PPARGC1A: variants seen among roughly 807,000 people sequenced by gnomAD.
PPARGC1A encodes the protein peroxisome proliferator-activated receptor gamma coactivator 1-alpha.
PPARGC1A carries 25 observed loss-of-function variants against 88.7 expected under a neutral mutation model. The ratio of observed to expected loss-of-function variants is 0.28; its 90% CI spans 0.21 to 0.39. The LOEUF (loss-of-function observed/expected upper bound fraction) is 0.39. PPARGC1A is among the 10% of genes least tolerant of loss of function. PPARGC1A has a pLI of 1.00. For missense variants in PPARGC1A, 880 were observed against 968.7 expected (o/e 0.91, Z 1.22); for synonymous variants, 363 against 355.6 (o/e 1.02, Z -0.24).
At chr4:24,279,811 T>A in the PPARGC1A span, among the ~76,000 whole-genome samples, 2 of 152,088 alleles carry the variant, frequency 1.3e-5, no homozygotes, top group Non-Finnish European at 2.9e-5. Flanking sequence ...AATGGCACAT[T>A]GATAGAAATG....
In PPARGC1A at chr4:23,890,036, C is replaced by G; in HGVS notation, c.-79G>C. On this transcript the variant is annotated 5_prime_UTR_variant, in exon 1 of 13. Transcript: ENST00000264867. ...CAGAGCACACACTCATGCAGGCAAC[C>G]AGCCCCTTACTGAGAGTGAACTGAA... 1 of 1,594,682 alleles carries G rather than the reference C, an allele frequency of 6.3e-7. No homozygotes were observed. Among genetic ancestry groups the G allele is most frequent in the South Asian group, 1.1e-5 (1 of 87,718 alleles).
chr4:24,075,709 T>C, the PPARGC1A span, among the ~76,000 whole-genome samples: 2,608 of 152,248 alleles, frequency 0.017, 72 homozygotes, highest in African/African-American at 0.06. Context: ...CTGTGCATGC[T>C]CTTTCCTTGA....
At chr4:23,981,374 G>A in the PPARGC1A span, among the ~76,000 whole-genome samples, 120 of 152,176 alleles carry the variant, frequency 7.9e-4, no homozygotes, top group African/African-American at 2.8e-3. Context: ...AGATAACAAA[G>A]TTAAACAGCA....
At chr4:23,820,875 A>T (rs1344218761) in intron 7 of PPARGC1A, among the ~76,000 whole-genome samples, 1 of 152,138 alleles carries the variant, frequency 6.6e-6, no homozygotes, top group Admixed American at 6.6e-5. Context: ...GAGAGTAAAG[A>T]AAAAGAAGAC....
chr4:24,466,266 C>T, the PPARGC1A span, among the ~76,000 whole-genome samples: 2 of 152,204 alleles, frequency 1.3e-5, no homozygotes, highest in Non-Finnish European at 2.9e-5. Flanking sequence ...AGTGGGTAAA[C>T]TTGGGCAAAC....
chr4:23,822,340 C>T (rs1723154175), intron 7 of PPARGC1A, among the ~76,000 whole-genome samples: 1 of 152,000 alleles, frequency 6.6e-6, no homozygotes, highest in Non-Finnish European at 1.5e-5. Flanking sequence ...TGTTTGTTTT[C>T]CCTGAAGGCT....
chr4:24,010,128 C>A, the PPARGC1A span, among the ~76,000 whole-genome samples: 1 of 152,170 alleles, frequency 6.6e-6, no homozygotes, highest in Non-Finnish European at 1.5e-5. Flanking sequence ...ATTGGCCTCT[C>A]CTATTATTAA....
chr4:24,061,088 G>A, the PPARGC1A span, among the ~76,000 whole-genome samples: 7 of 151,904 alleles, frequency 4.6e-5, no homozygotes, highest in Non-Finnish European at 5.9e-5. Flanking sequence ...AAGAAAAAGA[G>A]GACCAAAGAG....
rs57070623 is a variant in PPARGC1A, at chr4:23,794,618, CTTGA to C, written c.*1200_*1203del. ...CACCTCATAATTACATTTGAATATT[CTTGA>C]TTAAGAAAAATTTAGCAGTTTTGAA... On this transcript the variant is annotated 3_prime_UTR_variant, in exon 13 of 13. Transcript: ENST00000264867. The C allele has an allele frequency of 7.6e-3, 1,152 of 152,482 alleles. 3 individuals carry two copies. Among genetic ancestry groups the C allele is most frequent in the Non-Finnish European group, 0.013 (852 of 67,968 alleles). 9.4% of individuals were successfully genotyped at this position (152,482 alleles called of 1,614,324 possible). A position where few individuals can be genotyped will look rare whatever the true frequency, so the allele number is the denominator to read the frequency against.
At chr4:24,415,743 G>A in the PPARGC1A span, among the ~76,000 whole-genome samples, 40 of 152,266 alleles carry the variant, frequency 2.6e-4, no homozygotes, top group African/African-American at 9.1e-4. Context: ...GATGTTCGTC[G>A]TAATTTTGCT....
At chr4:23,998,466 C>T in the PPARGC1A span, among the ~76,000 whole-genome samples, 1 of 151,738 alleles carries the variant, frequency 6.6e-6, no homozygotes, top group South Asian at 2.1e-4. Context: ...TCTACAATTT[C>T]TTGTCTGTAC....
chr4:24,302,586 C>T, the PPARGC1A span, among the ~76,000 whole-genome samples: 43 of 152,234 alleles, frequency 2.8e-4, no homozygotes, highest in Non-Finnish European at 5.9e-4. Flanking sequence ...CATCCAACCA[C>T]TGTTGAAGGC....
At chr4:23,831,250 T>C (rs1724948108) in intron 3 of PPARGC1A, among the ~76,000 whole-genome samples, 2 of 152,344 alleles carry the variant, frequency 1.3e-5, no homozygotes, top group African/African-American at 4.8e-5. Flanking sequence ...ATTTTTAGTC[T>C]TTTCCTTTTA....
At chr4:24,209,205 A>G in the PPARGC1A span, among the ~76,000 whole-genome samples, 214 of 152,296 alleles carry the variant, frequency 1.4e-3, no homozygotes, top group Non-Finnish European at 2.9e-3. Flanking sequence ...GAGCTGATGG[A>G]TACAGGTTGG....
chr4:24,307,674 G>A, the PPARGC1A span, among the ~76,000 whole-genome samples: 1 of 152,190 alleles, frequency 6.6e-6, no homozygotes, highest in African/African-American at 2.4e-5. Flanking sequence ...AGGTATATAA[G>A]AAGAAAAGGA....
chr4:24,130,779 G>A, the PPARGC1A span, among the ~76,000 whole-genome samples: 1 of 152,030 alleles, frequency 6.6e-6, no homozygotes, highest in African/African-American at 2.4e-5. Flanking sequence ...CATGCCACAA[G>A]CTGCTGAAGA....
At chr4:24,079,088 T>A in the PPARGC1A span, among the ~76,000 whole-genome samples, 1 of 152,094 alleles carries the variant, frequency 6.6e-6, no homozygotes, top group South Asian at 2.1e-4. Flanking sequence ...ATAAATAGCA[T>A]CAAAATAGCC....
At chr4:24,376,670 GC>G in the PPARGC1A span, among the ~76,000 whole-genome samples, 2 of 152,154 alleles carry the variant, frequency 1.3e-5, 1 homozygote, top group East Asian at 3.8e-4. Flanking sequence ...ATTTATGGGT[GC>G]CTAAAAAAGG....
intron 2 of PPARGC1A, among the ~76,000 whole-genome samples, chr4:23,846,231 G>A (rs1489515574): frequency 6.6e-6 from 1 of 152,156 alleles, no homozygotes; most frequent in African/African-American, 2.4e-5. Context: ...ATAGGATGTA[G>A]TAACATGGAA....
Sources: gnomAD v4.1 joint callset for allele counts (sites outside exome capture counted in the v4.1 genomes callset) on GRCh38, gnomAD v4.1.1 for gene constraint, MANE v1.5 for transcripts, NCBI Gene and HGNC (gene_info 2026-07-23, HGNC 2026-07-21) for gene names.